Variants in CARD8 observed in about 807,000 individuals in gnomAD.
CARD8 encodes caspase recruitment domain family member 8.
Under a neutral mutation model 53.2 loss-of-function variants are expected in CARD8, and 38 were observed. That is an observed-to-expected ratio of 0.71 (90% CI 0.55 to 0.94). CARD8 has a LOEUF of 0.94. Ranked by LOEUF, CARD8 falls within the 40% of genes least tolerant of loss-of-function variation. CARD8 has a pLI of 0.00. For synonymous variants in CARD8, 245 were observed against 244.9 expected, an observed-to-expected ratio of 1.00 and a Z score of 0.00; for missense variants, 561 against 655.5, an observed-to-expected ratio of 0.86 and a Z score of 1.57.
chr19:48,246,520 A>G (rs767967923), intron 3 of CARD8, among the ~76,000 whole-genome samples: 1 of 152,174 alleles, frequency 6.6e-6, no homozygotes, highest in Non-Finnish European at 1.5e-5. Context: ...GTGCCTACAC[A>G]TGCCTGTATT....
chr19:48,230,146 C>T (rs752326066), intron 10 of CARD8, among the ~76,000 whole-genome samples: 1 of 152,010 alleles, frequency 6.6e-6, no homozygotes, highest in Non-Finnish European at 1.5e-5. Context: ...GTGAAAAAAT[C>T]TCTGCATCTT....
intron 3 of CARD8, among the ~76,000 whole-genome samples, chr19:48,244,266 T>G (rs1403561079): frequency 6.6e-6 from 1 of 152,184 alleles, no homozygotes; most frequent in African/African-American, 2.4e-5. Flanking sequence ...ACAGTTTATC[T>G]TGTCTATTAC....
chr19:48,238,151 A>G lies in CARD8; in HGVS notation c.209+232T>C. 5.1e-6 allele frequency: 3 copies of G among 587,974 alleles called. 1 individual carries two copies. The highest frequency in any genetic ancestry group is 1.1e-3 in the Middle Eastern group (2 of 1,872). The allele number at this position is 587,974 out of a possible 1,614,324, so 36.4% of individuals were successfully genotyped here. Reference sequence around the variant, plus strand: ...GGCGATCCACCTGCCCTCGCCTCCCAGTGTGCTGAGATTACAGGTGTGAGC... The same window carrying G: ...GGCGATCCACCTGCCCTCGCCTCCCGGTGTGCTGAGATTACAGGTGTGAGC... On this transcript the variant is annotated intron_variant, in intron 5 of 13. Coordinates refer to ENST00000651546, the MANE Select transcript of CARD8 (RefSeq NM_001184900.3).
At chr19:48,223,165 G>A (rs1204962728) in intron 10 of CARD8, among the ~76,000 whole-genome samples, 3 of 152,012 alleles carry the variant, frequency 2.0e-5, no homozygotes, top group Non-Finnish European at 2.9e-5. Context: ...TTAGCTGGGC[G>A]TGGTGGTGAG....
At chr19:48,221,238 T>C (rs2040572291) in intron 11 of CARD8, among the ~76,000 whole-genome samples, 1 of 152,172 alleles carries the variant, frequency 6.6e-6, no homozygotes, top group African/African-American at 2.4e-5. Context: ...TGAATAATCA[T>C]GAAATAATGA....
chr19:48,225,244 A>G (rs1412210064), intron 10 of CARD8, among the ~76,000 whole-genome samples: 2 of 151,960 alleles, frequency 1.3e-5, no homozygotes, highest in East Asian at 3.9e-4. Flanking sequence ...TAATCTCAGC[A>G]CTTTGGGAGG....
chr19:48,221,831 A>C lies in CARD8; in HGVS notation c.1060T>G (p.Phe354Val), dbSNP rs374214594. 1.9e-6 allele frequency: 3 copies of C among 1,605,942 alleles called. No homozygotes were observed. In the African/African-American group the frequency reaches 4.0e-5, roughly 21 times the overall value. ...GAAGTCTGCAGGCGCACACCATGGAAGCGATCTTCCTCATCATCTATCGCC... is the reference window on the plus strand; with the variant it reads ...GAAGTCTGCAGGCGCACACCATGGACGCGATCTTCCTCATCATCTATCGCC... ...TKAIDDEEDRFHGVRLQTSPP... is the reference protein window; with the variant it reads ...TKAIDDEEDRVHGVRLQTSPP... Residue 354 changes from phenylalanine (F) to valine (V), a missense_variant, in exon 11 of 14, where the codon TTC (phenylalanine) becomes GTC (valine). Physicochemically the swap from Phe to Val is conservative, Grantham distance 50 (BLOSUM62 -1). Transcript: ENST00000651546.
intron 3 of CARD8, among the ~76,000 whole-genome samples, chr19:48,241,598 C>T (rs1249777061): frequency 3.9e-5 from 6 of 152,114 alleles, no homozygotes. Context: ...CCTGGGTCTG[C>T]AAGTTAAGTT....
At chr19:48,204,113 A>G (rs1372947844), downstream of CARD8, 1 of 452,944 alleles carries the variant, frequency 2.2e-6, no homozygotes, top group African/African-American at 2.0e-5. Context: ...TCCTTGTCCA[A>G]AGGGTCTGGG....
chr19:48,230,378 A>C, intron 10 of CARD8, 60 bp downstream of exon 10: 1 of 1,533,894 alleles, frequency 6.5e-7, no homozygotes, highest in South Asian at 1.3e-5. Flanking sequence ...GGAGGGGCCA[A>C]GGGGATAACC....
downstream of CARD8, among the ~76,000 whole-genome samples, chr19:48,207,851 T>G (rs1161758585): frequency 1.3e-5 from 2 of 149,584 alleles, no homozygotes; most frequent in Non-Finnish European, 3.0e-5. Context: ...TTCTCATGCC[T>G]TAGCCTCCCG....
At chr19:48,215,746 T>A (rs942739526) in intron 12 of CARD8, among the ~76,000 whole-genome samples, 5 of 152,230 alleles carry the variant, frequency 3.3e-5, no homozygotes, top group African/African-American at 1.2e-4. Context: ...GTTTTTTGGA[T>A]GTGATTGTAC....
chr19:48,216,178 T>C (rs1223244044), intron 12 of CARD8, among the ~76,000 whole-genome samples: 1 of 151,624 alleles, frequency 6.6e-6, no homozygotes, highest in Non-Finnish European at 1.5e-5. Context: ...GGAAAAAATC[T>C]TTTTTAAATA....
In CARD8 at chr19:48,255,802, C is replaced by A. The variant is rs1967202473; in HGVS notation, c.-262G>T. ...GCTCCTGAAACTCACCTGGTAAGCG[C>A]TCCAGAAAAGCAGCAGGTGGTGACT... is the stretch of plus-strand genomic sequence containing the variant. On this transcript the variant is annotated 5_prime_UTR_variant, in exon 1 of 14. Transcript: ENST00000651546. 6.6e-6 allele frequency: 1 copy of A among 152,242 alleles called. No individual in the cohort carries two copies. The highest frequency in any genetic ancestry group is 2.1e-4 in the South Asian group (1 of 4,834). 9.4% of individuals were successfully genotyped at this position (152,242 alleles called of 1,614,324 possible).
At chr19:48,237,822 C>T (rs1001742135) in intron 5 of CARD8, among the ~76,000 whole-genome samples, 1 of 151,676 alleles carries the variant, frequency 6.6e-6, no homozygotes, top group South Asian at 2.1e-4. Context: ...AAAGTATTAT[C>T]GTGAGGGGAA....
At chr19:48,216,574 G>C (rs554621261) in intron 12 of CARD8, among the ~76,000 whole-genome samples, 122 of 152,316 alleles carry the variant, frequency 8.0e-4, no homozygotes, top group Non-Finnish European at 1.6e-3. Flanking sequence ...CAGCTCATGT[G>C]CACCGCCTCA....
At chr19:48,229,445 T>C (rs1305289527) in intron 10 of CARD8, among the ~76,000 whole-genome samples, 1 of 152,234 alleles carries the variant, frequency 6.6e-6, no homozygotes, top group African/African-American at 2.4e-5. Flanking sequence ...GGAATAGTCA[T>C]CTTTATCATT....
chr19:48,234,512 T>C lies in CARD8; in HGVS notation c.241A>G (p.Thr81Ala). Reference protein sequence around the residue: ...VYRELPCVSETLCDISHFFQE... With the variant: ...VYRELPCVSEALCDISHFFQE... ...AAAAAATGTGAGATGTCACAAAGGGTCTCAGAAACACAGGGTAGCTCCCTG... is the reference window on the plus strand; with the variant it reads ...AAAAAATGTGAGATGTCACAAAGGGCCTCAGAAACACAGGGTAGCTCCCTG... The change falls in exon 6 of 14, where the codon ACC becomes GCC. Residue 81 changes from threonine to alanine, a missense_variant. Thr to Ala is a moderately conservative substitution (Grantham distance 58, BLOSUM62 0). Coordinates refer to ENST00000651546, the MANE Select transcript of CARD8 (RefSeq NM_001184900.3). 6.2e-7 allele frequency: 1 copy of C among 1,613,600 alleles called. No homozygotes were observed. The highest frequency in any genetic ancestry group is 8.5e-7 in the Non-Finnish European group (1 of 1,179,818).
chr19:48,233,554 C>A, intron 6 of CARD8: 1 of 362,704 alleles, frequency 2.8e-6, no homozygotes, highest in Admixed American at 3.7e-5. Context: ...CGGGTAGCTA[C>A]AGGCAAAGCA....
Sources: allele counts gnomAD v4.1 joint callset (sites outside exome capture counted in the v4.1 genomes callset), GRCh38; gene constraint gnomAD v4.1.1; transcripts MANE v1.5; gene names NCBI Gene and HGNC (gene_info 2026-07-23, HGNC 2026-07-21).